OSBPL8: variants seen among roughly 807,000 people sequenced by gnomAD.
OSBPL8 encodes oxysterol binding protein like 8.
A neutral mutation model predicts 125.5 loss-of-function variants in OSBPL8; 59 were observed. That is an observed-to-expected ratio of 0.47 (90% CI 0.38 to 0.58). The LOEUF (loss-of-function observed/expected upper bound fraction) is 0.58, where lower values mean the gene tolerates loss of function less well. Among genes scored for constraint, OSBPL8 ranks in the 20% least tolerant of loss-of-function variants. The probability of loss-of-function intolerance (pLI) is 0.00; values close to 1 mark genes in which losing one functional copy is unlikely to be tolerated. For missense variants in OSBPL8, 758 were observed against 1,047.8 expected, an observed-to-expected ratio of 0.72 and a Z score of 3.82; for synonymous variants, 330 against 338.9, an observed-to-expected ratio of 0.97 and a Z score of 0.29.
chr12:76,445,087 A>T (rs1024306429), intron 4 of OSBPL8, among the ~76,000 whole-genome samples: 1 of 152,184 alleles, frequency 6.6e-6, no homozygotes, highest in Admixed American at 6.6e-5. Context: ...CAAAGTATGT[A>T]AAAAATAATT....
intron 4 of OSBPL8, among the ~76,000 whole-genome samples, chr12:76,435,732 A>G (rs1469808215): frequency 1.3e-5 from 2 of 152,076 alleles, no homozygotes; most frequent in African/African-American, 2.4e-5. Flanking sequence ...GTGGGAAGGG[A>G]AAAAAATGAG....
intron 1 of OSBPL8, among the ~76,000 whole-genome samples, chr12:76,513,743 G>GTT (rs1450338102): frequency 5.1e-5 from 7 of 136,952 alleles, no homozygotes; most frequent in Non-Finnish European, 9.3e-5. Flanking sequence ...CTAACCCCTG[G>GTT]GTTTTTTTTT....
At position 76,531,255 on chromosome 12, in the gene OSBPL8, T is replaced by C. The variant is rs1262295607; in HGVS notation, c.-68+28142A>G. 3.9e-5 allele frequency among the ~76,000 whole-genome samples: 6 copies of C among 152,300 alleles called. No homozygotes were observed. In the East Asian group the frequency reaches 1.2e-3, roughly 29 times the overall value. On this transcript the variant is annotated intron_variant, in intron 1 of 23. Transcript: ENST00000261183. ...CATTGTATCACCTTTTATCACTCACTTAGCATCATAAAACAAGCACAAAGA... is the reference window on the plus strand; with the variant it reads ...CATTGTATCACCTTTTATCACTCACCTAGCATCATAAAACAAGCACAAAGA...
intron 2 of OSBPL8, among the ~76,000 whole-genome samples, chr12:76,463,264 A>T (rs1005199365): frequency 1.3e-5 from 2 of 152,178 alleles, no homozygotes; most frequent in Admixed American, 6.5e-5. Context: ...AAATAGACCA[A>T]ATGTGAGATA....
chr12:76,356,171 G>GGGGGGGGGGA, intron 23 of OSBPL8, 150 bp from the exon 24 acceptor site: 1 of 309,750 alleles, frequency 3.2e-6, no homozygotes, highest in Non-Finnish European at 5.9e-6. Flanking sequence ...GTGGGGGGGG[G>GGGGGGGGGGA]CGGGGTCTGG....
At chr12:76,404,887 T>C (rs961702146) in intron 5 of OSBPL8, among the ~76,000 whole-genome samples, 1 of 152,166 alleles carries the variant, frequency 6.6e-6, no homozygotes, top group African/African-American at 2.4e-5. Context: ...TGCCCCTAAC[T>C]TGCATGTTGT....
chr12:76,541,392 C>T (rs1200743260), intron 1 of OSBPL8, among the ~76,000 whole-genome samples: 4 of 152,048 alleles, frequency 2.6e-5, no homozygotes, highest in South Asian at 2.1e-4. Flanking sequence ...GCACAAGAAT[C>T]GCTTGAACCC....
chr12:76,358,777 C>G lies in OSBPL8; in HGVS notation c.2363G>C (p.Arg788Thr), dbSNP rs747402426. 2 of 1,614,014 alleles carry G rather than the reference C, an allele frequency of 1.2e-6. No homozygotes were observed. Among genetic ancestry groups the G allele is most frequent in the South Asian group, 1.1e-5 (1 of 91,084 alleles). The change falls in exon 22 of 24, where the codon AGG becomes ACG. Residue 788 changes from arginine to threonine, a missense_variant. Arg to Thr is a moderately conservative substitution (Grantham distance 71). Coordinates refer to ENST00000261183, the MANE Select transcript of OSBPL8 (RefSeq NM_020841.5). ...GCCTTTTGCTACTTTCTTCTGTTGCCTGGTTGGCTTATGTTTCATTTTGGG... is the reference window on the plus strand; with the variant it reads ...GCCTTTTGCTACTTTCTTCTGTTGCGTGGTTGGCTTATGTTTCATTTTGGG... Reference protein sequence around the residue: ...SVPKMKHKPTRQQKKVAKGYS... With the variant: ...SVPKMKHKPTTQQKKVAKGYS...
rs542381309 is a variant in OSBPL8 at position 76,505,838 on chromosome 12, G to A, written c.-67-18220C>T. 4.7e-4 allele frequency among the ~76,000 whole-genome samples: 72 copies of A among 152,262 alleles called. No homozygotes were observed. In the South Asian group the frequency reaches 6.0e-3, roughly 13 times the overall value. On this transcript the variant is annotated intron_variant, in intron 1 of 23. Transcript: ENST00000261183. ...GAAATGTAACTAAGCTGCAAATCAC[G>A]GAGACCTCAAAGAACAGAAGGACTT...
intron 1 of OSBPL8, among the ~76,000 whole-genome samples, chr12:76,539,823 C>T (rs968320836): frequency 5.9e-5 from 9 of 151,838 alleles, no homozygotes; most frequent in African/African-American, 2.2e-4. Flanking sequence ...CTGAGCAGGC[C>T]GTAAGTGCCA....
intron 1 of OSBPL8, among the ~76,000 whole-genome samples, chr12:76,531,854 G>A (rs559955833): frequency 4.5e-4 from 69 of 151,982 alleles, no homozygotes; most frequent in Admixed American, 1.5e-3. Flanking sequence ...TGGCTAACAC[G>A]GTGAAACCCC....
At position 76,371,339 on chromosome 12, in the gene OSBPL8, T is replaced by C. The variant is rs573528727; in HGVS notation, c.2054+109A>G. ...TGTCACTTCCACAAATGATAAACTATTTTGCTGAATTAAGATATGACAGAA... is the reference window on the plus strand; with the variant it reads ...TGTCACTTCCACAAATGATAAACTACTTTGCTGAATTAAGATATGACAGAA... On this transcript the variant is annotated intron_variant, in intron 19 of 23. Transcript: ENST00000261183. The C allele has an allele frequency of 4.8e-5, 57 of 1,193,704 alleles. No homozygotes were observed. In the African/African-American group the frequency reaches 8.3e-4, roughly 17 times the overall value. The allele number at this position is 1,193,704 out of a possible 1,614,324, so 73.9% of individuals were successfully genotyped here.
intron 10 of OSBPL8, 84 bp from the exon 11 acceptor site, chr12:76,390,741 T>C (rs959508611): frequency 1.6e-5 from 13 of 836,860 alleles, no homozygotes; most frequent in Admixed American, 4.3e-5. Context: ...ACAACATTTA[T>C]TGAGAATTTA....
chr12:76,552,249 A>G (rs933386165), intron 1 of OSBPL8, among the ~76,000 whole-genome samples: 2 of 151,566 alleles, frequency 1.3e-5, no homozygotes, highest in Non-Finnish European at 2.9e-5. Flanking sequence ...ACATGGTGAA[A>G]CCCCATCTCT....
chr12:76,416,467 A>T (rs1868681807), intron 4 of OSBPL8, among the ~76,000 whole-genome samples: 1 of 152,004 alleles, frequency 6.6e-6, no homozygotes, highest in Admixed American at 6.5e-5. Context: ...GTATTTACTG[A>T]TTTTTGTCCT....
At chr12:76,526,691 C>T (rs1280365048) in intron 1 of OSBPL8, among the ~76,000 whole-genome samples, 2 of 124,016 alleles carry the variant, frequency 1.6e-5, no homozygotes, top group African/African-American at 6.1e-5. Flanking sequence ...CACTCTGTCA[C>T]CTGGGCTGGA....
At chr12:76,492,905 G>A (rs1878870942) in intron 1 of OSBPL8, among the ~76,000 whole-genome samples, 1 of 151,440 alleles carries the variant, frequency 6.6e-6, no homozygotes. Context: ...GATACTATAG[G>A]ATATATAGAT....
At chr12:76,441,822 C>T (rs1300164765) in intron 4 of OSBPL8, among the ~76,000 whole-genome samples, 2 of 151,586 alleles carry the variant, frequency 1.3e-5, no homozygotes, top group African/African-American at 4.8e-5. Context: ...AAGCTGGGGA[C>T]AATTAATAGG....
chr12:76,557,640 T>C (rs1216385622), intron 1 of OSBPL8, among the ~76,000 whole-genome samples: 1 of 151,306 alleles, frequency 6.6e-6, no homozygotes, highest in East Asian at 1.9e-4. Context: ...AATCCTTTTG[T>C]AATGCATATT....
Sources: allele counts gnomAD v4.1 joint callset (sites outside exome capture counted in the v4.1 genomes callset), GRCh38; gene constraint gnomAD v4.1.1; transcripts MANE v1.5; gene names NCBI Gene and HGNC (gene_info 2026-07-23, HGNC 2026-07-21).